The following MECOM variants were observed in gnomAD, a reference collection of about 807,000 sequenced individuals.
MECOM encodes MDS1 and EVI1 complex locus.
Under a neutral mutation model 116.3 loss-of-function variants are expected in MECOM, and 13 were observed. That is an observed-to-expected ratio of 0.11 (90% CI 0.07 to 0.18). The LOEUF is 0.18. Among genes scored for constraint, MECOM ranks in the 10% least tolerant of loss-of-function variants. MECOM has a pLI of 1.00. For missense variants in MECOM, 1,299 were observed against 1,509.0 expected (o/e 0.86, Z 2.31); for synonymous variants, 528 against 535.2 (o/e 0.99, Z 0.19).
intron 1 of MECOM, among the ~76,000 whole-genome samples, chr3:169,526,251 G>A (rs953045239): frequency 1.3e-5 from 2 of 152,084 alleles, no homozygotes; most frequent in African/African-American, 4.8e-5. Context: ...GTTTGAGTAA[G>A]CCAGTCAGGT....
chr3:169,572,018 C>G (rs545587645), intron 1 of MECOM, among the ~76,000 whole-genome samples: 1 of 152,276 alleles, frequency 6.6e-6, no homozygotes, highest in East Asian at 1.9e-4. Context: ...AGAGTTTCTG[C>G]ACAGCAAAAG....
chr3:169,318,965 G>C (rs571973892), intron 2 of MECOM, among the ~76,000 whole-genome samples: 4 of 152,026 alleles, frequency 2.6e-5, no homozygotes, highest in Admixed American at 6.5e-5. Context: ...TGGGCATGGT[G>C]GTGGGTGCCT....
intron 1 of MECOM, among the ~76,000 whole-genome samples, chr3:169,475,640 T>A (rs1047225924): frequency 4.6e-5 from 7 of 151,868 alleles, no homozygotes; most frequent in Admixed American, 3.9e-4. Context: ...AAAGACGCAA[T>A]CATTCCTTAA....
chr3:169,632,991 T>C (rs1252657015), intron 1 of MECOM, among the ~76,000 whole-genome samples: 1 of 152,232 alleles, frequency 6.6e-6, no homozygotes, highest in Non-Finnish European at 1.5e-5. Context: ...AAAAAAGCAA[T>C]GGACCTATCA....
chr3:169,374,169 A>T (rs1046927660), intron 2 of MECOM, among the ~76,000 whole-genome samples: 1 of 151,146 alleles, frequency 6.6e-6, no homozygotes, highest in Non-Finnish European at 1.5e-5. Flanking sequence ...ACCTGCCCCA[A>T]CCCTCTCTCT....
chr3:169,317,933 C>A (rs894135486), intron 2 of MECOM, among the ~76,000 whole-genome samples: 1 of 152,112 alleles, frequency 6.6e-6, no homozygotes, highest in Non-Finnish European at 1.5e-5. Context: ...GATATGTAGA[C>A]CAATGGAACA....
intron 1 of MECOM, among the ~76,000 whole-genome samples, chr3:169,599,288 G>C (rs1404400791): frequency 6.6e-6 from 1 of 152,108 alleles, no homozygotes; most frequent in African/African-American, 2.4e-5. Context: ...GGCCGAGGCG[G>C]GCAGATCACG....
chr3:169,452,775 G>T (rs1476938354), intron 1 of MECOM, among the ~76,000 whole-genome samples: 1 of 152,106 alleles, frequency 6.6e-6, no homozygotes, highest in Non-Finnish European at 1.5e-5. Flanking sequence ...GGCTAACCCT[G>T]GGTATCATCC....
intron 2 of MECOM, among the ~76,000 whole-genome samples, chr3:169,178,192 A>G (rs1745456838): frequency 6.6e-6 from 1 of 152,224 alleles, no homozygotes; most frequent in Admixed American, 6.5e-5. Context: ...GCCTGCAAGC[A>G]AGTTTAAGGA....
Position 169,382,429 on chromosome 3 carries a change from G to T in MECOM, c.38-905C>A, listed in dbSNP as rs546558094. ...CACGGAGGACCTGAGGACCCCCAAGGCAGCACGGCGCCACACTTGAAGTAA... is the reference window on the plus strand; with the variant it reads ...CACGGAGGACCTGAGGACCCCCAAGTCAGCACGGCGCCACACTTGAAGTAA... On this transcript the variant is annotated intron_variant, in intron 1 of 16. Coordinates refer to ENST00000651503, the MANE Select transcript of MECOM (RefSeq NM_004991.4). 2.0e-5 allele frequency among the ~76,000 whole-genome samples: 3 copies of T among 152,188 alleles called. No individual in the cohort carries two copies. In the South Asian group the frequency reaches 6.2e-4, roughly 32 times the overall value.
At chr3:169,568,175 A>G (rs991242915) in intron 1 of MECOM, among the ~76,000 whole-genome samples, 1 of 152,176 alleles carries the variant, frequency 6.6e-6, no homozygotes, top group Non-Finnish European at 1.5e-5. Context: ...CATGAGGGAC[A>G]GTGTACTCTG....
chr3:169,187,575 G>T (rs1746946481), intron 2 of MECOM, among the ~76,000 whole-genome samples: 1 of 152,040 alleles, frequency 6.6e-6, no homozygotes, highest in Admixed American at 6.6e-5. Flanking sequence ...GAAAAATAAA[G>T]AAATGGGTGT....
intron 2 of MECOM, among the ~76,000 whole-genome samples, chr3:169,184,504 T>G (rs2149404547): frequency 7.0e-6 from 1 of 143,812 alleles, no homozygotes; most frequent in Middle Eastern, 3.4e-3. Context: ...TCAAAATGTT[T>G]TAGTGCAGAA....
At chr3:169,641,604 T>A (rs976182015) in intron 1 of MECOM, among the ~76,000 whole-genome samples, 1 of 152,256 alleles carries the variant, frequency 6.6e-6, no homozygotes, top group Non-Finnish European at 1.5e-5. Flanking sequence ...CCACGTGGGC[T>A]AATTCAATAC....
chr3:169,127,770 A>C, intron 5 of MECOM, 74 bp downstream of exon 5: 3 of 1,374,652 alleles, frequency 2.2e-6, no homozygotes, highest in Non-Finnish European at 3.1e-6. Context: ...TTCCATCTGC[A>C]CAAAGCCTCA....
chr3:169,469,203 G>C lies in MECOM; in HGVS notation c.38-87679C>G, dbSNP rs186331884. Among the ~76,000 whole-genome samples, 3 of 152,236 alleles carry C rather than the reference G, an allele frequency of 2.0e-5. No homozygotes were observed. In the East Asian group the frequency reaches 5.8e-4, roughly 29 times the overall value. On this transcript the variant is annotated intron_variant, in intron 1 of 16. Transcript: ENST00000651503. ...GATGGTGACTGAGCTGATTCTTAAAGAATGAACAAGGTTTCCCAGGTAAAG... is the reference window on the plus strand; with the variant it reads ...GATGGTGACTGAGCTGATTCTTAAACAATGAACAAGGTTTCCCAGGTAAAG...
At chr3:169,289,130 C>T (rs975200428) in intron 2 of MECOM, among the ~76,000 whole-genome samples, 8 of 152,124 alleles carry the variant, frequency 5.3e-5, no homozygotes, top group Admixed American at 5.2e-4. Context: ...ATACCTAGAA[C>T]AATACTATAT....
intron 1 of MECOM, among the ~76,000 whole-genome samples, chr3:169,529,802 A>G (rs1269905281): frequency 3.9e-5 from 6 of 152,176 alleles, no homozygotes; most frequent in Admixed American, 3.9e-4. Context: ...CCAGCACCCA[A>G]GTTCCTCTGG....
At chr3:169,654,493 G>A (rs1189013613) in intron 1 of MECOM, among the ~76,000 whole-genome samples, 1 of 152,160 alleles carries the variant, frequency 6.6e-6, no homozygotes, top group East Asian at 1.9e-4. Flanking sequence ...TAGGAGGGCA[G>A]GGGTGAACTC....
Sources: allele counts gnomAD v4.1 joint callset (sites outside exome capture counted in the v4.1 genomes callset), GRCh38; gene constraint gnomAD v4.1.1; transcripts MANE v1.5; gene names NCBI Gene and HGNC (gene_info 2026-07-23, HGNC 2026-07-21).